The following RABGAP1L variants were observed in gnomAD, a reference collection of about 807,000 sequenced individuals.
RABGAP1L encodes the protein rab GTPase-activating protein 1-like.
RABGAP1L carries 63 observed loss-of-function variants against 137.7 expected under a neutral mutation model. The ratio of observed to expected loss-of-function variants is 0.46; its 90% CI spans 0.37 to 0.56. RABGAP1L has a LOEUF of 0.56. RABGAP1L is among the 20% of genes least tolerant of loss of function. The pLI is 0.00. For synonymous variants in RABGAP1L, 431 were observed against 433.7 expected, an observed-to-expected ratio of 0.99 and a Z score of 0.08; for missense variants, 1,095 against 1,244.0, an observed-to-expected ratio of 0.88 and a Z score of 1.80.
intron 11 of RABGAP1L, among the ~76,000 whole-genome samples, chr1:174,369,291 G>C (rs754377484): frequency 7.2e-5 from 11 of 152,250 alleles, no homozygotes; most frequent in Middle Eastern, 3.4e-3. Flanking sequence ...CCAGGCTCAA[G>C]TGATCCTCCC....
At chr1:174,853,977 T>G (rs1648825156) in intron 19 of RABGAP1L, among the ~76,000 whole-genome samples, 1 of 152,166 alleles carries the variant, frequency 6.6e-6, no homozygotes, top group South Asian at 2.1e-4. Context: ...ACAACAGATG[T>G]GACAGAGGAA....
intron 13 of RABGAP1L, among the ~76,000 whole-genome samples, chr1:174,613,414 C>CT (rs1325185592): frequency 6.6e-6 from 1 of 152,068 alleles, no homozygotes; most frequent in Non-Finnish European, 1.5e-5. Context: ...GCACTGTGGT[C>CT]TGAGAGACAG....
At chr1:174,373,486 T>G (rs1367194266) in intron 12 of RABGAP1L, among the ~76,000 whole-genome samples, 1 of 152,188 alleles carries the variant, frequency 6.6e-6, no homozygotes, top group Non-Finnish European at 1.5e-5. Flanking sequence ...GAGGAGCTGA[T>G]GCAGGGATCT....
rs533040572 is a variant in RABGAP1L, at chr1:174,613,885, C to T, written c.1711-23490C>T. Among the ~76,000 whole-genome samples, 224 of 152,176 alleles carry T rather than the reference C, an allele frequency of 1.5e-3. 1 individual carries two copies. Among genetic ancestry groups the T allele is most frequent in the African/African-American group, 4.7e-3 (195 of 41,528 alleles). On this transcript the variant is annotated intron_variant, in intron 13 of 25. Transcript: ENST00000681986. Reference sequence around the variant, plus strand: ...TCAGAGACTAGGATTGCAACCCCTGCCTTTTTTTGTTTTCCATTTGCTTGG... The same window carrying T: ...TCAGAGACTAGGATTGCAACCCCTGTCTTTTTTTGTTTTCCATTTGCTTGG...
At chr1:174,331,635 TAGTG>T (rs970420478) in intron 11 of RABGAP1L, among the ~76,000 whole-genome samples, 43 of 152,302 alleles carry the variant, frequency 2.8e-4, no homozygotes, top group African/African-American at 9.1e-4. Context: ...CAAAAAATGT[TAGTG>T]AGGATGTGGA....
At chr1:174,711,459 T>C (rs1450257134) in intron 17 of RABGAP1L, among the ~76,000 whole-genome samples, 1 of 151,784 alleles carries the variant, frequency 6.6e-6, no homozygotes, top group African/African-American at 2.4e-5. Context: ...GAGTTCCAGG[T>C]GGGCGCGGGC....
At chr1:174,638,444 T>C (rs541288811) in intron 14 of RABGAP1L, among the ~76,000 whole-genome samples, 1 of 152,200 alleles carries the variant, frequency 6.6e-6, no homozygotes, top group South Asian at 2.1e-4. Context: ...GGTGGGACTG[T>C]AAACTAGTTC....
At chr1:174,614,383 G>GC (rs1265776776) in intron 13 of RABGAP1L, among the ~76,000 whole-genome samples, 1 of 152,006 alleles carries the variant, frequency 6.6e-6, no homozygotes, top group Non-Finnish European at 1.5e-5. Context: ...TTGAATATTG[G>GC]CCCCCACTCT....
intron 15 of RABGAP1L, among the ~76,000 whole-genome samples, chr1:174,687,141 C>T (rs1211020707): frequency 1.3e-5 from 2 of 152,052 alleles, no homozygotes; most frequent in Non-Finnish European, 2.9e-5. Context: ...CTCCCCACCC[C>T]GTCCGCAAAG....
At chr1:174,973,184 CACA>C (rs1207053890) in intron 21 of RABGAP1L, among the ~76,000 whole-genome samples, 1 of 152,098 alleles carries the variant, frequency 6.6e-6, no homozygotes, top group African/African-American at 2.4e-5. Flanking sequence ...CTATAGGACC[CACA>C]ACAATTGCTG....
At chr1:174,459,368 A>G (rs950163633) in intron 13 of RABGAP1L, among the ~76,000 whole-genome samples, 3 of 152,138 alleles carry the variant, frequency 2.0e-5, no homozygotes, top group Non-Finnish European at 4.4e-5. Flanking sequence ...TCTTGAAAAT[A>G]CAGTTCACGG....
intron 1 of RABGAP1L, among the ~76,000 whole-genome samples, chr1:174,162,780 T>G (rs1191174622): frequency 6.3e-5 from 3 of 47,636 alleles, no homozygotes; most frequent in African/African-American, 2.9e-4. Context: ...TCTTTCTGTT[T>G]TTTTTTTTTT....
chr1:174,618,967 G>C (rs973743432), intron 13 of RABGAP1L, among the ~76,000 whole-genome samples: 1 of 152,078 alleles, frequency 6.6e-6, no homozygotes, highest in Non-Finnish European at 1.5e-5. Context: ...AGCTGAAAAC[G>C]AAGACATGAG....
chr1:174,668,274 C>T (rs1271210921), intron 14 of RABGAP1L, among the ~76,000 whole-genome samples: 3 of 152,146 alleles, frequency 2.0e-5, no homozygotes, highest in Admixed American at 1.3e-4. Flanking sequence ...CTCCTGACCA[C>T]CACAGCCTCT....
chr1:174,175,515 A>T (rs1571375479), intron 1 of RABGAP1L, among the ~76,000 whole-genome samples: 1 of 143,574 alleles, frequency 7.0e-6, no homozygotes. Context: ...TTTGAGACAG[A>T]GTCTTGCTAT....
chr1:174,580,134 C>G (rs1423285198), intron 13 of RABGAP1L, among the ~76,000 whole-genome samples: 1 of 152,104 alleles, frequency 6.6e-6, no homozygotes, highest in Admixed American at 6.6e-5. Flanking sequence ...AAAACATAAA[C>G]TGGACTTCCT....
intron 14 of RABGAP1L, among the ~76,000 whole-genome samples, chr1:174,640,536 C>G (rs1674447343): frequency 1.3e-5 from 2 of 151,990 alleles, no homozygotes; most frequent in Non-Finnish European, 2.9e-5. Flanking sequence ...TGTAGTCTAA[C>G]TGTTCTAACA....
intron 13 of RABGAP1L, among the ~76,000 whole-genome samples, chr1:174,452,533 A>G (rs1357973206): frequency 6.6e-6 from 1 of 150,718 alleles, no homozygotes; most frequent in Non-Finnish European, 1.5e-5. Context: ...TGTTCAGAAT[A>G]TGGTAGCTGC....
intron 13 of RABGAP1L, among the ~76,000 whole-genome samples, chr1:174,420,965 G>A (rs1216774298): frequency 3.9e-5 from 6 of 152,026 alleles, no homozygotes; most frequent in Admixed American, 2.0e-4. Context: ...GTGAGCCACC[G>A]CGCCTGGCTG....
Sources: gnomAD v4.1 joint callset for allele counts (sites outside exome capture counted in the v4.1 genomes callset) on GRCh38, gnomAD v4.1.1 for gene constraint, MANE v1.5 for transcripts, NCBI Gene and HGNC (gene_info 2026-07-23, HGNC 2026-07-21) for gene names.